The following FAF1 variants were observed in gnomAD, a reference collection of about 807,000 sequenced individuals.
FAF1 encodes FAS-associated factor 1.
A neutral mutation model predicts 92.5 loss-of-function variants in FAF1; 25 were observed. That is an observed-to-expected ratio of 0.27 (90% CI 0.20 to 0.38). FAF1 has a LOEUF of 0.38. Among genes scored for constraint, FAF1 ranks in the 10% least tolerant of loss-of-function variants. The probability of loss-of-function intolerance (pLI) is 1.00; values close to 1 mark genes in which losing one functional copy is unlikely to be tolerated. For synonymous variants in FAF1, 234 were observed against 273.2 expected (o/e 0.86, Z 1.42); for missense variants, 636 against 793.3 (o/e 0.80, Z 2.38).
At chr1:50,541,336 A>G (rs529277081) in intron 13 of FAF1, among the ~76,000 whole-genome samples, 21 of 152,278 alleles carry the variant, frequency 1.4e-4, no homozygotes, top group African/African-American at 4.1e-4. Flanking sequence ...CCTCATGGCA[A>G]TTTCATATCA....
At chr1:50,486,669 T>C (rs1003987493) in intron 17 of FAF1, among the ~76,000 whole-genome samples, 1 of 152,178 alleles carries the variant, frequency 6.6e-6, no homozygotes, top group African/African-American at 2.4e-5. Context: ...TGATTTTGCA[T>C]TTGTCTACCC....
At chr1:50,566,796 C>T (rs1167173734) in intron 13 of FAF1, among the ~76,000 whole-genome samples, 1 of 151,952 alleles carries the variant, frequency 6.6e-6, no homozygotes, top group Admixed American at 6.6e-5. Flanking sequence ...TCTAAAAGTT[C>T]AAAAACATAT....
At chr1:50,643,888 C>G (rs1654459764) in intron 8 of FAF1, among the ~76,000 whole-genome samples, 1 of 152,076 alleles carries the variant, frequency 6.6e-6, no homozygotes, top group African/African-American at 2.4e-5. Context: ...CCATCGCTGC[C>G]CCCACTCCCA....
chr1:50,580,533 A>G (rs1048639930), intron 12 of FAF1, among the ~76,000 whole-genome samples: 1 of 151,768 alleles, frequency 6.6e-6, no homozygotes, highest in Non-Finnish European at 1.5e-5. Context: ...CTTTTTCTGT[A>G]TTAAAATTTA....
chr1:50,806,913 T>C (rs777320936), intron 2 of FAF1, among the ~76,000 whole-genome samples: 59 of 152,074 alleles, frequency 3.9e-4, no homozygotes, highest in Admixed American at 3.1e-3. Context: ...TTTTCAAAGA[T>C]TGAAGGAATA....
intron 4 of FAF1, among the ~76,000 whole-genome samples, chr1:50,756,253 C>G (rs1660068723): frequency 6.6e-6 from 1 of 151,774 alleles, no homozygotes; most frequent in Non-Finnish European, 1.5e-5. Flanking sequence ...CTGCCAAATA[C>G]CCTAAATCAT....
At chr1:50,687,421 GA>G (rs1394333004) in intron 7 of FAF1, among the ~76,000 whole-genome samples, 1 of 146,928 alleles carries the variant, frequency 6.8e-6, no homozygotes, top group East Asian at 2.0e-4. Flanking sequence ...TTCCTCCAAA[GA>G]AGTTCTATAA....
chr1:50,856,714 TG>T (rs1011705453), intron 2 of FAF1, among the ~76,000 whole-genome samples: 3 of 151,578 alleles, frequency 2.0e-5, no homozygotes, highest in Non-Finnish European at 4.4e-5. Flanking sequence ...CAATTTCTTC[TG>T]AAAAAAATAG....
chr1:50,759,666 C>T (rs1478013509), intron 4 of FAF1, among the ~76,000 whole-genome samples: 1 of 152,122 alleles, frequency 6.6e-6, no homozygotes, highest in Non-Finnish European at 1.5e-5. Context: ...CATATATACC[C>T]AGTAATGGGA....
intron 12 of FAF1, among the ~76,000 whole-genome samples, chr1:50,572,496 C>T (rs1650492232): frequency 6.6e-6 from 1 of 152,110 alleles, no homozygotes; most frequent in Non-Finnish European, 1.5e-5. Context: ...TGGATCATTC[C>T]AGTACTTGCC....
intron 1 of FAF1, among the ~76,000 whole-genome samples, chr1:50,937,463 G>C (rs2124750158): frequency 6.6e-6 from 1 of 152,066 alleles, no homozygotes; most frequent in Non-Finnish European, 1.5e-5. Flanking sequence ...AAGTTACAAA[G>C]AGGTAAAATT....
chr1:50,714,893 A>G, intron 6 of FAF1: 1 of 293,838 alleles, frequency 3.4e-6, no homozygotes, highest in South Asian at 3.4e-5. Context: ...AAACCATAGC[A>G]TTGAGTGTCC....
At chr1:50,501,108 C>G (rs1050869966) in intron 15 of FAF1, among the ~76,000 whole-genome samples, 2 of 152,080 alleles carry the variant, frequency 1.3e-5, no homozygotes. Flanking sequence ...AGTGACAAAA[C>G]CATAGACTGA....
chr1:50,637,681 A>ATATGTG (rs1553123409), intron 8 of FAF1, among the ~76,000 whole-genome samples: 2,140 of 137,090 alleles, frequency 0.016, 22 homozygotes, highest in African/African-American at 0.027. Flanking sequence ...ACATATATAT[A>ATATGTG]TGTGTGTGTG....
At chr1:50,642,960 C>A (rs1433295866) in intron 8 of FAF1, among the ~76,000 whole-genome samples, 1 of 152,016 alleles carries the variant, frequency 6.6e-6, no homozygotes, top group African/African-American at 2.4e-5. Flanking sequence ...CCTGCCTCAG[C>A]CTCCCAAGTA....
At chr1:50,567,297 A>T in intron 12 of FAF1, 66 bp from the exon 13 acceptor site, 2 of 1,274,116 alleles carry the variant, frequency 1.6e-6, no homozygotes, top group Non-Finnish European at 2.2e-6. Flanking sequence ...TAAATTTTAG[A>T]GAGGCATAAT....
intron 15 of FAF1, among the ~76,000 whole-genome samples, chr1:50,518,195 T>C (rs973098779): frequency 6.6e-6 from 1 of 152,172 alleles, no homozygotes; most frequent in Non-Finnish European, 1.5e-5. Flanking sequence ...AAAAACATCA[T>C]ATAATAGAAC....
At chr1:50,563,811 C>T (rs1046262983) in intron 13 of FAF1, among the ~76,000 whole-genome samples, 1 of 152,114 alleles carries the variant, frequency 6.6e-6, no homozygotes, top group African/African-American at 2.4e-5. Flanking sequence ...GTTCTAAGAT[C>T]AACCTAAGAA....
Position 50,441,435 on chromosome 1 carries a change from C to G in FAF1, c.*5G>C. 1 of 1,520,526 alleles carries G rather than the reference C, an allele frequency of 6.6e-7. No homozygotes were observed. Among genetic ancestry groups the G allele is most frequent in the Non-Finnish European group, 8.9e-7 (1 of 1,125,030 alleles). 94.2% of individuals were successfully genotyped at this position (1,520,526 alleles called of 1,614,324 possible). ...GGAATGGCTGGTTCCACCGCTGGGC[C>G]GTGTTTACTCTTTTGCTTCAAGGAA... On this transcript the variant is annotated 3_prime_UTR_variant, in exon 19 of 19. Coordinates refer to ENST00000396153, the MANE Select transcript of FAF1 (RefSeq NM_007051.3).
Sources: gnomAD v4.1 joint callset for allele counts (sites outside exome capture counted in the v4.1 genomes callset) on GRCh38, gnomAD v4.1.1 for gene constraint, MANE v1.5 for transcripts, NCBI Gene and HGNC (gene_info 2026-07-23, HGNC 2026-07-21) for gene names.